Variants in RNF212B observed in about 807,000 individuals in gnomAD.
The protein encoded by RNF212B is E3 ubiquitin-protein ligase RNF212B.
RNF212B carries 52 observed loss-of-function variants against 55.5 expected under a neutral mutation model. The observed-to-expected ratio is 0.94, with a 90% confidence interval of 0.75 to 1.18. The LOEUF is 1.18. RNF212B is among the 50% of genes most tolerant of loss of function. The pLI is 0.00. For synonymous variants in RNF212B, 99 were observed against 121.4 expected (o/e 0.82, Z 1.21); for missense variants, 289 against 350.4 (o/e 0.82, Z 1.40).
At chr14:23,234,901 C>T (rs373989893), upstream of RNF212B, among the ~76,000 whole-genome samples, 9 of 151,992 alleles carry the variant, frequency 5.9e-5, no homozygotes, top group African/African-American at 1.9e-4. Flanking sequence ...CACAGTGAGA[C>T]CTTGTCTCTT....
intron 11 of RNF212B, among the ~76,000 whole-genome samples, chr14:23,267,484 A>G (rs980948912): frequency 2.0e-5 from 3 of 151,466 alleles, no homozygotes; most frequent in Non-Finnish European, 4.4e-5. Flanking sequence ...GCTAGAGTGC[A>G]GTGGCAAAAT....
upstream of RNF212B, among the ~76,000 whole-genome samples, chr14:23,236,707 C>T (rs1191337867): frequency 2.0e-5 from 3 of 151,910 alleles, no homozygotes; most frequent in Admixed American, 1.3e-4. Flanking sequence ...TAAACAAAAG[C>T]TCTTTGGAGG....
Position 23,229,220 on chromosome 14 carries a change from T to TTTTATATA in RNF212B, c.-1-11124_-1-11123insTTATATAT, listed in dbSNP as rs1183907201. 3.2e-3 allele frequency among the ~76,000 whole-genome samples: 206 copies of TTTTATATA among 64,904 alleles called. 1 individual carries two copies. Among genetic ancestry groups the TTTTATATA allele is most frequent in the Non-Finnish European group, 4.5e-3 (150 of 33,310 alleles). 42.6% of individuals were successfully genotyped at this position (64,904 alleles called of 152,430 possible). A position where few individuals can be genotyped will look rare whatever the true frequency, so the allele number is the denominator to read the frequency against. On this transcript the variant is annotated intron_variant, in intron 2 of 15. Coordinates refer to the RNF212B transcript ENST00000399910. ...ATTTCCTTTATGGCTGAATAATATT[T>TTTTATATA]TATATATATATATATATATATATAT...
chr14:23,216,877 C>CGCAAAAAA, intron 2 of RNF212B, among the ~76,000 whole-genome samples: 1 of 11,026 alleles, frequency 9.1e-5, no homozygotes, highest in Non-Finnish European at 1.7e-4. Flanking sequence ...GTGACCCTGT[C>CGCAAAAAA]TCAAAAAAAA....
chr14:23,188,657 A>G (rs1877831720), intron 1 of RNF212B, among the ~76,000 whole-genome samples: 1 of 152,016 alleles, frequency 6.6e-6, no homozygotes. Flanking sequence ...TTTAGTAAAG[A>G]TGAGGTCTTA....
intron 1 of RNF212B, among the ~76,000 whole-genome samples, chr14:23,189,590 T>A (rs904767139): frequency 2.6e-5 from 4 of 151,690 alleles, no homozygotes; most frequent in African/African-American, 4.8e-5. Context: ...ATCGCTTGAG[T>A]CCAGGAATTT....
chr14:23,241,532 T>A (rs972668224), intron 2 of RNF212B, among the ~76,000 whole-genome samples: 35 of 152,116 alleles, frequency 2.3e-4, no homozygotes, highest in African/African-American at 8.2e-4. Flanking sequence ...CAAGCGATTC[T>A]CATGTCTCAG....
chr14:23,261,825 C>T (rs760715321), intron 7 of RNF212B, among the ~76,000 whole-genome samples: 2 of 151,844 alleles, frequency 1.3e-5, no homozygotes, highest in Non-Finnish European at 2.9e-5. Flanking sequence ...ATTAGCCGGG[C>T]GTGGTGGAGG....
upstream of RNF212B, among the ~76,000 whole-genome samples, chr14:23,237,727 T>C (rs766607550): frequency 1.4e-4 from 21 of 152,174 alleles, no homozygotes; most frequent in Non-Finnish European, 2.6e-4. Flanking sequence ...TGTTTATTTG[T>C]CCCCAATCTT....
chr14:23,240,192 T>C lies in RNF212B; in HGVS notation c.-1-153T>C, dbSNP rs539219748. Among the ~76,000 whole-genome samples the C allele has an allele frequency of 4.6e-3, 694 of 152,296 alleles. 1 individual carries two copies. The highest frequency in any genetic ancestry group is 0.016 in the African/African-American group (671 of 41,540). On this transcript the variant is annotated intron_variant, in intron 1 of 14. Transcript: ENST00000430154. The stretch of plus-strand genomic sequence containing the variant: ...TTTTTTTTCACTGTATATGTACATA[T>C]ACTTCTTTACAACCAATTGGAATAC...
chr14:23,267,562 G>A (rs925548878), intron 11 of RNF212B, among the ~76,000 whole-genome samples: 24 of 151,732 alleles, frequency 1.6e-4, no homozygotes, highest in African/African-American at 5.6e-4. Flanking sequence ...TTTAGTAGCT[G>A]GGATTATAGG....
upstream of RNF212B, among the ~76,000 whole-genome samples, chr14:23,237,445 A>G (rs1276100109): frequency 6.6e-6 from 1 of 152,120 alleles, no homozygotes; most frequent in Non-Finnish European, 1.5e-5. Context: ...TTTCTGAATA[A>G]AGGTTGACTT....
In RNF212B at chr14:23,203,360, GA is replaced by G. The variant is rs796377951; in HGVS notation, c.-2+9961del. ...GTTGGTTCCACGATTTTGCAATTGTGAATTGTGCTGCTATAAACATGTGCGT... is the reference window on the plus strand; with the variant it reads ...GTTGGTTCCACGATTTTGCAATTGTGATTGTGCTGCTATAAACATGTGCGT... On this transcript the variant is annotated intron_variant, in intron 2 of 15. Transcript: ENST00000399910. Among the ~76,000 whole-genome samples, 11 of 152,078 alleles carry G rather than the reference GA, an allele frequency of 7.2e-5. 1 individual carries two copies. Among genetic ancestry groups the G allele is most frequent in the African/African-American group, 2.7e-4 (11 of 41,500 alleles).
chr14:23,247,783 T>C (rs186994984), intron 4 of RNF212B, among the ~76,000 whole-genome samples: 238 of 152,346 alleles, frequency 1.6e-3, no homozygotes, highest in Admixed American at 3.0e-3. Context: ...CTCTTGGGTA[T>C]ATACCTACGA....
chr14:23,246,121 T>G (rs1803654594), intron 4 of RNF212B, among the ~76,000 whole-genome samples: 6 of 151,924 alleles, frequency 3.9e-5, no homozygotes. Context: ...TGTAAGTCTG[T>G]AAGTTTTCTT....
chr14:23,186,853 G>A (rs1266826452), intron 1 of RNF212B, among the ~76,000 whole-genome samples: 1 of 152,176 alleles, frequency 6.6e-6, no homozygotes, highest in Non-Finnish European at 1.5e-5. Flanking sequence ...GCAAATGGGA[G>A]ATTGATAGTT....
chr14:23,229,991 T>G (rs529614496), intron 2 of RNF212B: 2 of 207,412 alleles, frequency 9.6e-6, no homozygotes, highest in Non-Finnish European at 2.1e-5. Context: ...TTCTCCAATG[T>G]CTCCTTTTAA....
chr14:23,216,114 C>T (rs139651359), intron 2 of RNF212B, among the ~76,000 whole-genome samples: 1,924 of 152,120 alleles, frequency 0.013, 40 homozygotes, highest in African/African-American at 0.042. Flanking sequence ...AGTGTGGTGG[C>T]GGGTGCCTGT....
At chr14:23,240,483 G>A in intron 2 of RNF212B, 38 bp downstream of exon 2, 3 of 1,382,394 alleles carry the variant, frequency 2.2e-6, no homozygotes, top group East Asian at 2.5e-5. Context: ...AGGGAAAAAT[G>A]TTTTCATGTA....
Sources: allele counts gnomAD v4.1 joint callset (sites outside exome capture counted in the v4.1 genomes callset), GRCh38; gene constraint gnomAD v4.1.1; transcripts MANE v1.5; gene names NCBI Gene and HGNC (gene_info 2026-07-23, HGNC 2026-07-21).